Variants in SLC4A4 observed in about 807,000 individuals in gnomAD.
SLC4A4 encodes solute carrier family 4 member 4, also known as electrogenic sodium bicarbonate cotransporter 1.
SLC4A4 carries 27 observed loss-of-function variants against 111.5 expected under a neutral mutation model. The ratio of observed to expected loss-of-function variants is 0.24; its 90% CI spans 0.18 to 0.33. The LOEUF (loss-of-function observed/expected upper bound fraction) is 0.33, where lower values mean the gene tolerates loss of function less well. Ranked by LOEUF, SLC4A4 falls within the 10% of genes least tolerant of loss-of-function variation. SLC4A4 has a pLI of 1.00. For synonymous variants in SLC4A4, 443 were observed against 463.4 expected (o/e 0.96, Z 0.57); for missense variants, 909 against 1,315.5 (o/e 0.69, Z 4.78).
chr4:71,069,074 A>C (rs1167128070), intron 1 of SLC4A4, among the ~76,000 whole-genome samples: 4 of 152,230 alleles, frequency 2.6e-5, no homozygotes, highest in Admixed American at 6.5e-5. Context: ...TGACCCTGCC[A>C]GTTGCCTATA....
intron 7 of SLC4A4, among the ~76,000 whole-genome samples, chr4:71,419,323 C>G (rs937659455): frequency 7.2e-5 from 11 of 152,250 alleles, no homozygotes; most frequent in East Asian, 1.9e-4. Flanking sequence ...GCAGGCAGGC[C>G]TCCTTGAGCT....
chr4:71,319,912 C>G (rs753379147), intron 3 of SLC4A4, among the ~76,000 whole-genome samples: 2 of 151,982 alleles, frequency 1.3e-5, no homozygotes, highest in Non-Finnish European at 2.9e-5. Context: ...ACTGTTGACT[C>G]AGGGCTGTAT....
chr4:71,243,106 A>G (rs1720378994), intron 2 of SLC4A4, among the ~76,000 whole-genome samples: 1 of 152,218 alleles, frequency 6.6e-6, no homozygotes, highest in African/African-American at 2.4e-5. Flanking sequence ...GTAAAACGCA[A>G]ATCTTGTCCA....
At chr4:71,420,060 C>T (rs1163613154) in intron 7 of SLC4A4, among the ~76,000 whole-genome samples, 2 of 152,240 alleles carry the variant, frequency 1.3e-5, no homozygotes, top group South Asian at 2.1e-4. Context: ...GAAATTCAAA[C>T]CAAAGGCAAA....
chr4:71,435,713 GA>G (rs1227530281), intron 7 of SLC4A4, among the ~76,000 whole-genome samples: 2 of 151,852 alleles, frequency 1.3e-5, no homozygotes, highest in Non-Finnish European at 1.5e-5. Flanking sequence ...AAATTTACAA[GA>G]AAAAAACAAA....
chr4:71,536,579 T>G (rs1239209625), intron 18 of SLC4A4, among the ~76,000 whole-genome samples: 1 of 148,930 alleles, frequency 6.7e-6, no homozygotes, highest in African/African-American at 2.5e-5. Flanking sequence ...TCAATTCAAC[T>G]TCTGCCTCCG....
intron 16 of SLC4A4, among the ~76,000 whole-genome samples, chr4:71,517,448 A>C (rs1404433778): frequency 6.6e-6 from 1 of 151,822 alleles, no homozygotes; most frequent in Non-Finnish European, 1.5e-5. Context: ...TTCTTTTAAT[A>C]ATTTCATTTA....
intron 12 of SLC4A4, among the ~76,000 whole-genome samples, chr4:71,463,561 A>T (rs1322759951): frequency 6.6e-6 from 1 of 152,194 alleles, no homozygotes; most frequent in Non-Finnish European, 1.5e-5. Flanking sequence ...ACAGAATGAA[A>T]ACTGTAGCAC....
intron 2 of SLC4A4, among the ~76,000 whole-genome samples, chr4:71,118,611 C>T (rs982333243): frequency 1.5e-4 from 23 of 151,940 alleles, no homozygotes; most frequent in African/African-American, 5.3e-4. Flanking sequence ...TAAAATGCTC[C>T]TATTTTTGCT....
At chr4:71,474,143 G>T (rs1055329385) in intron 14 of SLC4A4, among the ~76,000 whole-genome samples, 2 of 150,612 alleles carry the variant, frequency 1.3e-5, no homozygotes, top group Non-Finnish European at 3.0e-5. Context: ...AAGAGAAAGG[G>T]ATAGGCATTT....
At chr4:71,360,615 A>G (rs1370283307) in intron 6 of SLC4A4, among the ~76,000 whole-genome samples, 1 of 152,160 alleles carries the variant, frequency 6.6e-6, no homozygotes, top group Non-Finnish European at 1.5e-5. Context: ...TTAATCAACA[A>G]ATGTCACAAA....
At chr4:71,156,028 C>T (rs897816748) in intron 2 of SLC4A4, among the ~76,000 whole-genome samples, 10 of 152,116 alleles carry the variant, frequency 6.6e-5, no homozygotes, top group Non-Finnish European at 8.8e-5. Context: ...TTTTCATACA[C>T]GAATTTAATA....
intron 6 of SLC4A4, among the ~76,000 whole-genome samples, chr4:71,389,236 GAC>G (rs1719048106): frequency 6.6e-6 from 1 of 152,116 alleles, no homozygotes; most frequent in Non-Finnish European, 1.5e-5. Context: ...TCCATATAAG[GAC>G]ATCCTCTCTA....
At chr4:71,267,096 G>T (rs968595231) in intron 3 of SLC4A4, among the ~76,000 whole-genome samples, 1 of 152,196 alleles carries the variant, frequency 6.6e-6, no homozygotes, top group East Asian at 1.9e-4. Flanking sequence ...TGTGCTAGAT[G>T]TTGGGGTGAT....
At chr4:71,340,156 C>A (rs898311077) in intron 4 of SLC4A4, among the ~76,000 whole-genome samples, 14 of 151,988 alleles carry the variant, frequency 9.2e-5, no homozygotes, top group African/African-American at 3.4e-4. Flanking sequence ...CCTGTGAGGT[C>A]GAGGCTGCAG....
intron 7 of SLC4A4, among the ~76,000 whole-genome samples, chr4:71,405,088 T>C (rs1395507137): frequency 6.6e-6 from 1 of 152,066 alleles, no homozygotes; most frequent in Non-Finnish European, 1.5e-5. Context: ...AGTGCTGGGA[T>C]TATAAGCGTA....
chr4:71,385,377 T>C (rs993234990), intron 6 of SLC4A4, among the ~76,000 whole-genome samples: 1 of 151,518 alleles, frequency 6.6e-6, no homozygotes, highest in South Asian at 2.1e-4. Flanking sequence ...TTTGTATTTT[T>C]AATAGAGACG....
intron 4 of SLC4A4, among the ~76,000 whole-genome samples, chr4:71,347,810 C>G (rs60263130): frequency 6.6e-6 from 1 of 152,092 alleles, no homozygotes; most frequent in Non-Finnish European, 1.5e-5. Flanking sequence ...CTCCCCTTTA[C>G]AGGGCTTCTA....
chr4:71,281,543 T>G (rs1297301630), intron 3 of SLC4A4, among the ~76,000 whole-genome samples: 2 of 152,160 alleles, frequency 1.3e-5, no homozygotes, highest in Non-Finnish European at 2.9e-5. Flanking sequence ...TAGGTTTAAA[T>G]TACATGGTTC....
Sources: allele counts gnomAD v4.1 joint callset (sites outside exome capture counted in the v4.1 genomes callset), GRCh38; gene constraint gnomAD v4.1.1; transcripts MANE v1.5; gene names NCBI Gene and HGNC (gene_info 2026-07-23, HGNC 2026-07-21).